PALS2: variants seen among roughly 807,000 people sequenced by gnomAD.
The protein encoded by PALS2 is protein associated with LIN7 2, MAGUK p55 family member, also known as protein PALS2.
A neutral mutation model predicts 61.6 loss-of-function variants in PALS2; 27 were observed. The ratio of observed to expected loss-of-function variants is 0.44; its 90% CI spans 0.32 to 0.60. The LOEUF is 0.60. Ranked by LOEUF, PALS2 falls within the 20% of genes least tolerant of loss-of-function variation. PALS2 has a pLI of 0.05. For missense variants in PALS2, 554 were observed against 639.4 expected (o/e 0.87, Z 1.44); for synonymous variants, 236 against 218.6 (o/e 1.08, Z -0.70).
chr7:24,591,647 A>T (rs1386642589), intron 1 of PALS2, among the ~76,000 whole-genome samples: 3 of 152,154 alleles, frequency 2.0e-5, no homozygotes, highest in Non-Finnish European at 4.4e-5. Flanking sequence ...GTCTCTGCAA[A>T]TGCAGAATTA....
rs573903785 is a variant in PALS2 at position 24,665,615 on chromosome 7, G to A, written c.811G>A (p.Ala271Thr). The stretch of plus-strand genomic sequence containing the variant: ...TAGCCATGTAAAAGAGGGAGGAAGC[G>A]CTGGTCTCATTCCAAGCCAGTTCCT... ...QASHVKEGGS[A>T]GLIPSQFLEE... The change falls in exon 7 of 12, where the codon GCT becomes ACT. Residue 271 changes from alanine (A) to threonine (T), a missense_variant. Coordinates refer to ENST00000222644, the MANE Select transcript of PALS2 (RefSeq NM_001303037.2). 10 of 1,613,652 alleles carry A rather than the reference G, an allele frequency of 6.2e-6. No homozygotes were observed. The African/African-American group carries it at 6.7e-5, about 11-fold the overall frequency.
chr7:24,650,708 A>C lies in PALS2; in HGVS notation c.647A>C (p.Gln216Pro). Residue 216 changes from glutamine to proline, a missense_variant, in exon 5 of 12, where the codon CAA (glutamine) becomes CCA (proline). Coordinates refer to ENST00000222644, the MANE Select transcript of PALS2 (RefSeq NM_001303037.2). Reference sequence around the variant, plus strand: ...AGTTATAGAGATACCATTACTCCTCAACAGGTTAGTAATAAAATTTTTGGT... The same window carrying C: ...AGTTATAGAGATACCATTACTCCTCCACAGGTTAGTAATAAAATTTTTGGT... ...LPSYRDTITP[Q>P]QVFVKCHFDY... The C allele has an allele frequency of 1.3e-6, 2 of 1,547,040 alleles. No individual in the cohort carries two copies. Among genetic ancestry groups the C allele is most frequent in the East Asian group, 2.3e-5 (1 of 44,176 alleles).
At chr7:24,629,321 T>G (rs527383711) in intron 2 of PALS2, among the ~76,000 whole-genome samples, 1 of 152,278 alleles carries the variant, frequency 6.6e-6, no homozygotes, top group South Asian at 2.1e-4. Flanking sequence ...CCTTACACCT[T>G]ATTACAAAAA....
At chr7:24,666,852 T>G (rs1410888096) in intron 8 of PALS2, 2 of 152,154 alleles carry the variant, frequency 1.3e-5, no homozygotes, top group African/African-American at 4.8e-5. Flanking sequence ...ACTACTATAT[T>G]TATTCTTCCC....
At chr7:24,633,350 G>GTT (rs35300093) in intron 2 of PALS2, among the ~76,000 whole-genome samples, 55 of 106,234 alleles carry the variant, frequency 5.2e-4, no homozygotes, top group African/African-American at 7.7e-4. Context: ...GGTTGGTGGA[G>GTT]TTTTTTTTTT....
chr7:24,601,831 A>G (rs1447125633), intron 1 of PALS2, among the ~76,000 whole-genome samples: 3 of 152,118 alleles, frequency 2.0e-5, no homozygotes, highest in African/African-American at 7.2e-5. Flanking sequence ...GCCATTCAGA[A>G]TCATTCCTGA....
chr7:24,683,354 A>G (rs1021759981), intron 11 of PALS2, among the ~76,000 whole-genome samples: 1 of 152,192 alleles, frequency 6.6e-6, no homozygotes, highest in African/African-American at 2.4e-5. Context: ...AAGAGCCTCT[A>G]GAGGTAACAG....
chr7:24,581,407 G>A (rs1002425833), intron 1 of PALS2, among the ~76,000 whole-genome samples: 8 of 152,068 alleles, frequency 5.3e-5, no homozygotes, highest in Non-Finnish European at 1.2e-4. Context: ...TTCCAAATGC[G>A]GTGACATTCA....
intron 1 of PALS2, among the ~76,000 whole-genome samples, chr7:24,593,987 G>T (rs1783401543): frequency 6.6e-6 from 1 of 152,088 alleles, no homozygotes; most frequent in African/African-American, 2.4e-5. Context: ...CTAATAAAAG[G>T]CTATTTTGTC....
intron 1 of PALS2, among the ~76,000 whole-genome samples, chr7:24,587,293 G>C (rs1227537323): frequency 6.6e-6 from 1 of 151,984 alleles, no homozygotes; most frequent in Non-Finnish European, 1.5e-5. Context: ...GGAAAGAGCA[G>C]AGGAACTTTT....
intron 1 of PALS2, among the ~76,000 whole-genome samples, chr7:24,595,515 T>TA (rs1554299357): frequency 9.5e-6 from 1 of 105,166 alleles, no homozygotes; most frequent in African/African-American, 4.7e-5. Flanking sequence ...ATATAATATA[T>TA]AATATATATA....
At chr7:24,665,816 C>T (rs759858712) in intron 7 of PALS2, 129 bp downstream of exon 7, 38 of 978,110 alleles carry the variant, frequency 3.9e-5, no homozygotes, top group African/African-American at 3.1e-4. Context: ...TGCTTTCTCT[C>T]GCTCATAAGT....
intron 1 of PALS2, among the ~76,000 whole-genome samples, chr7:24,591,619 A>G (rs536607357): frequency 1.3e-5 from 2 of 152,264 alleles, no homozygotes; most frequent in East Asian, 3.9e-4. Flanking sequence ...ATTATTCAAG[A>G]TAGTTATGGT....
chr7:24,657,474 C>A (rs142344189), intron 5 of PALS2, among the ~76,000 whole-genome samples: 58 of 152,200 alleles, frequency 3.8e-4, no homozygotes, highest in African/African-American at 1.4e-3. Flanking sequence ...TAATATTGAA[C>A]ATGTTTTTAT....
chr7:24,613,225 C>G (rs1784175611), intron 1 of PALS2, among the ~76,000 whole-genome samples: 1 of 151,654 alleles, frequency 6.6e-6, no homozygotes, highest in Admixed American at 6.6e-5. Flanking sequence ...CTCTCCAGAT[C>G]TCATGCCTTT....
intron 1 of PALS2, among the ~76,000 whole-genome samples, chr7:24,620,731 A>G (rs753334784): frequency 6.6e-6 from 1 of 152,132 alleles, no homozygotes; most frequent in Non-Finnish European, 1.5e-5. Flanking sequence ...ATTTGTTACT[A>G]TTGCTAACAG....
At chr7:24,578,981 GTAAAA>G (rs1188573549) in intron 1 of PALS2, among the ~76,000 whole-genome samples, 1 of 152,172 alleles carries the variant, frequency 6.6e-6, no homozygotes, top group Non-Finnish European at 1.5e-5. Flanking sequence ...CAAAAAGGAA[GTAAAA>G]TAAAAATAGC....
intron 3 of PALS2, among the ~76,000 whole-genome samples, chr7:24,646,923 T>C (rs1785862444): frequency 6.6e-6 from 1 of 152,168 alleles, no homozygotes; most frequent in Admixed American, 6.5e-5. Flanking sequence ...CTAGGTTTTC[T>C]GGTTTGTGTG....
At chr7:24,624,587 T>A (rs966719646) in intron 2 of PALS2, among the ~76,000 whole-genome samples, 1 of 147,610 alleles carries the variant, frequency 6.8e-6, no homozygotes, top group Non-Finnish European at 1.5e-5. Context: ...TGAGAGTGAA[T>A]TAATGATGCA....
Sources: allele counts gnomAD v4.1 joint callset (sites outside exome capture counted in the v4.1 genomes callset), GRCh38; gene constraint gnomAD v4.1.1; transcripts MANE v1.5; gene names NCBI Gene and HGNC (gene_info 2026-07-23, HGNC 2026-07-21).